The following FAT3 variants were observed in gnomAD, a reference collection of about 807,000 sequenced individuals.
FAT3 encodes FAT atypical cadherin 3.
A neutral mutation model predicts 310.2 loss-of-function variants in FAT3; 95 were observed. The ratio of observed to expected loss-of-function variants is 0.31; its 90% CI spans 0.26 to 0.36. FAT3 has a LOEUF of 0.36. Ranked by LOEUF, FAT3 falls within the 10% of genes least tolerant of loss-of-function variation. The pLI, the probability that FAT3 is intolerant of heterozygous loss-of-function variation, is 1.00. For synonymous variants in FAT3, 2,314 were observed against 2,192.9 expected, an observed-to-expected ratio of 1.06 and a Z score of -1.54; for missense variants, 5,408 against 5,715.6, an observed-to-expected ratio of 0.95 and a Z score of 1.74.
At chr11:92,795,464 G>A (rs893072211) in intron 9 of FAT3, among the ~76,000 whole-genome samples, 1 of 152,008 alleles carries the variant, frequency 6.6e-6, no homozygotes, top group African/African-American at 2.4e-5. Context: ...AGTGTAGCAG[G>A]AAAGAATAAG....
At chr11:92,266,638 C>T (rs1336610513) in intron 1 of FAT3, among the ~76,000 whole-genome samples, 1 of 152,166 alleles carries the variant, frequency 6.6e-6, no homozygotes, top group Non-Finnish European at 1.5e-5. Flanking sequence ...TCTGGAGTGT[C>T]TGTGGCTGAA....
At chr11:92,470,536 A>G (rs1397220826) in intron 2 of FAT3, among the ~76,000 whole-genome samples, 1 of 152,116 alleles carries the variant, frequency 6.6e-6, no homozygotes, top group Non-Finnish European at 1.5e-5. Context: ...GTTGATCTTA[A>G]TTGTCTCATC....
chr11:92,242,215 A>T (rs1238288482), intron 1 of FAT3, among the ~76,000 whole-genome samples: 1 of 152,078 alleles, frequency 6.6e-6, no homozygotes, highest in African/African-American at 2.4e-5. Context: ...TCAAACACAA[A>T]ATTCTTTAAA....
chr11:92,411,913 A>C (rs917845693), intron 2 of FAT3, among the ~76,000 whole-genome samples: 1 of 151,890 alleles, frequency 6.6e-6, no homozygotes. Context: ...CCCCATGCTA[A>C]TTAATCTTCA....
intron 2 of FAT3, among the ~76,000 whole-genome samples, chr11:92,456,482 C>G (rs559895078): frequency 6.6e-6 from 1 of 152,064 alleles, no homozygotes; most frequent in Non-Finnish European, 1.5e-5. Flanking sequence ...TCACGCAAAA[C>G]AGCACCACAG....
At chr11:92,544,908 T>C (rs1348352564) in intron 3 of FAT3, among the ~76,000 whole-genome samples, 2 of 152,218 alleles carry the variant, frequency 1.3e-5, no homozygotes, top group African/African-American at 4.8e-5. Context: ...TAAAGTCTTA[T>C]TGACTCTTCA....
At chr11:92,668,051 C>T (rs1261267262) in intron 3 of FAT3, among the ~76,000 whole-genome samples, 1 of 152,190 alleles carries the variant, frequency 6.6e-6, no homozygotes, top group Non-Finnish European at 1.5e-5. Flanking sequence ...ATGAAAGCTG[C>T]ATTGCTTGTT....
rs968582390 is a variant in FAT3 at position 92,564,106 on chromosome 11, G to A, written c.3607+39158G>A. ...CACAGACTGGCAAGTTGGATAAAGA[G>A]TCAAGACCCATCAGTGTGCTGTATT... On this transcript the variant is annotated intron_variant, in intron 3 of 27. Coordinates refer to ENST00000525166, the MANE Select transcript of FAT3 (RefSeq NM_001367949.2). 1.1e-3 allele frequency among the ~76,000 whole-genome samples: 171 copies of A among 152,182 alleles called. 14 individuals carry two copies. The highest frequency in any genetic ancestry group is 2.9e-5 in the Non-Finnish European group (2 of 68,044).
At chr11:92,528,633 GC>G (rs1276023100) in intron 3 of FAT3, among the ~76,000 whole-genome samples, 3 of 151,382 alleles carry the variant, frequency 2.0e-5, no homozygotes, top group Admixed American at 2.0e-4. Context: ...TGATCCGCCC[GC>G]CTTGGCCTCC....
At chr11:92,234,509 G>A (rs932454091) in intron 1 of FAT3, among the ~76,000 whole-genome samples, 1 of 152,172 alleles carries the variant, frequency 6.6e-6, no homozygotes, top group African/African-American at 2.4e-5. Flanking sequence ...GCTCACGCCT[G>A]TAATCCCAGC....
intron 3 of FAT3, among the ~76,000 whole-genome samples, chr11:92,626,840 C>G (rs994054842): frequency 6.6e-6 from 1 of 152,208 alleles, no homozygotes; most frequent in Non-Finnish European, 1.5e-5. Context: ...GCTTATTCCA[C>G]TTCTCATGAA....
chr11:92,359,302 C>T (rs1948816035), intron 2 of FAT3, among the ~76,000 whole-genome samples: 1 of 152,006 alleles, frequency 6.6e-6, no homozygotes. Flanking sequence ...CTTTTCTAGT[C>T]AAATTTTACA....
rs1438283013 is a variant in FAT3, at chr11:92,457,779, C to T, written c.3293-66855C>T. On this transcript the variant is annotated intron_variant, in intron 2 of 27. Transcript: ENST00000525166. Reference sequence around the variant, plus strand: ...CTACTCAAGAGTACAAAAATTAGCCCGGTACGGTGGCGTGCACCTGTAGTC... The same window carrying T: ...CTACTCAAGAGTACAAAAATTAGCCTGGTACGGTGGCGTGCACCTGTAGTC... Among the ~76,000 whole-genome samples the T allele has an allele frequency of 3.3e-5, 5 of 151,904 alleles. No individual in the cohort carries two copies. In the East Asian group the frequency reaches 5.8e-4, roughly 18 times the overall value.
chr11:92,226,539 A>C (rs1204294174), intron 1 of FAT3, among the ~76,000 whole-genome samples: 1 of 151,742 alleles, frequency 6.6e-6, no homozygotes, highest in East Asian at 2.0e-4. Flanking sequence ...GCTGGCGGTG[A>C]CATCCTGAGG....
chr11:92,500,348 G>T (rs945644879), intron 2 of FAT3, among the ~76,000 whole-genome samples: 13 of 151,834 alleles, frequency 8.6e-5, no homozygotes, highest in African/African-American at 2.9e-4. Context: ...GATCTATAAG[G>T]TATTTTTTTC....
chr11:92,864,092 A>C (rs1012925660), intron 21 of FAT3, among the ~76,000 whole-genome samples: 32 of 152,326 alleles, frequency 2.1e-4, no homozygotes, highest in African/African-American at 7.0e-4. Context: ...AGTATGAGAT[A>C]ATTTTATGTT....
chr11:92,669,570 C>T (rs1015308664), intron 3 of FAT3, among the ~76,000 whole-genome samples: 14 of 152,156 alleles, frequency 9.2e-5, no homozygotes, highest in Admixed American at 1.3e-4. Flanking sequence ...AATACCAGTT[C>T]CTCAGCACTT....
chr11:92,873,997 T>C (rs908838039), intron 22 of FAT3, among the ~76,000 whole-genome samples: 3 of 152,202 alleles, frequency 2.0e-5, no homozygotes, highest in African/African-American at 7.2e-5. Context: ...ATAATAACAA[T>C]ACTTATGGCA....
Position 92,700,900 on chromosome 11 carries a change from AT to A in FAT3, c.3669+3458del, listed in dbSNP as rs1944079282. Among the ~76,000 whole-genome samples, 3 of 152,010 alleles carry A rather than the reference AT, an allele frequency of 2.0e-5. No homozygotes were observed. The South Asian group carries it at 6.2e-4, about 32-fold the overall frequency. ...ATGACATTGCTGCAGGAGTTTGAAC[AT>A]TTCTTTTTTTTCCCTAAATAGACCA... On this transcript the variant is annotated intron_variant, in intron 4 of 27. Transcript: ENST00000525166.
Sources: allele counts gnomAD v4.1 joint callset (sites outside exome capture counted in the v4.1 genomes callset), GRCh38; gene constraint gnomAD v4.1.1; transcripts MANE v1.5; gene names NCBI Gene and HGNC (gene_info 2026-07-23, HGNC 2026-07-21).